Variants in DSE observed in about 807,000 individuals in gnomAD.
DSE encodes the protein dermatan-sulfate epimerase.
Under a neutral mutation model 84.4 loss-of-function variants are expected in DSE, and 36 were observed. The observed-to-expected ratio is 0.43, with a 90% CI of 0.33 to 0.56. The LOEUF is 0.56. Ranked by LOEUF, DSE falls within the 20% of genes least tolerant of loss-of-function variation. The pLI is 0.06. For synonymous variants in DSE, 410 were observed against 430.1 expected, an observed-to-expected ratio of 0.95 and a Z score of 0.58; for missense variants, 862 against 1,169.6, an observed-to-expected ratio of 0.74 and a Z score of 3.84.
chr6:116,408,047 A>G (rs1782048125), intron 2 of DSE, among the ~76,000 whole-genome samples: 2 of 152,158 alleles, frequency 1.3e-5, no homozygotes, highest in South Asian at 4.1e-4. Context: ...TCCAGACTGT[A>G]TGATCCACCT....
intron 2 of DSE, among the ~76,000 whole-genome samples, chr6:116,264,223 G>T (rs1272931480): frequency 6.6e-6 from 1 of 152,082 alleles, no homozygotes; most frequent in Non-Finnish European, 1.5e-5. Context: ...CTCTTTAAGG[G>T]ACACCAATGA....
intron 2 of DSE, among the ~76,000 whole-genome samples, chr6:116,406,726 T>C (rs1359031393): frequency 6.6e-6 from 1 of 152,206 alleles, no homozygotes; most frequent in Admixed American, 6.5e-5. Context: ...TTCTGCCATG[T>C]CCATTAAGGG....
chr6:116,408,701 T>G (rs1293949547), intron 2 of DSE, among the ~76,000 whole-genome samples: 3 of 152,172 alleles, frequency 2.0e-5, no homozygotes, highest in Non-Finnish European at 2.9e-5. Context: ...AATGTCAGGA[T>G]TTGACATCTT....
chr6:116,283,364 A>G (rs1332055265), intron 2 of DSE, among the ~76,000 whole-genome samples: 3 of 152,198 alleles, frequency 2.0e-5, no homozygotes, highest in Non-Finnish European at 4.4e-5. Flanking sequence ...TGCACCATGC[A>G]GTTTAGCACT....
At chr6:116,334,786 G>GA (rs761870908) in intron 2 of DSE, among the ~76,000 whole-genome samples, 75 of 151,748 alleles carry the variant, frequency 4.9e-4, no homozygotes, top group South Asian at 1.0e-3. Flanking sequence ...CAACAATGAT[G>GA]AAAAAAAGCC....
intron 2 of DSE, among the ~76,000 whole-genome samples, chr6:116,272,434 G>A (rs1266372514): frequency 6.6e-6 from 1 of 152,116 alleles, no homozygotes; most frequent in African/African-American, 2.4e-5. Context: ...AAAGACAGAC[G>A]ACACCTGCTG....
intron 3 of DSE, among the ~76,000 whole-genome samples, chr6:116,427,375 C>T (rs1289560687): frequency 6.6e-6 from 1 of 152,092 alleles, no homozygotes; most frequent in Non-Finnish European, 1.5e-5. Context: ...TCTTTTAACT[C>T]TAAATTACAA....
At chr6:116,376,120 A>G (rs1311282775) in intron 1 of DSE, among the ~76,000 whole-genome samples, 1 of 152,188 alleles carries the variant, frequency 6.6e-6, no homozygotes, top group Non-Finnish European at 1.5e-5. Context: ...TCAGCTCCCT[A>G]AAATGCTTAT....
chr6:116,287,312 A>G (rs771514460), intron 2 of DSE, among the ~76,000 whole-genome samples: 1 of 152,114 alleles, frequency 6.6e-6, no homozygotes, highest in Non-Finnish European at 1.5e-5. Context: ...AGTTTTATGA[A>G]TACCTTAACA....
chr6:116,342,311 G>A (rs537694904), intron 2 of DSE, among the ~76,000 whole-genome samples: 239 of 113,276 alleles, frequency 2.1e-3, no homozygotes, highest in African/African-American at 7.9e-3. Context: ...ATGGAGTCTT[G>A]CTCTCTTGCC....
At chr6:116,258,560 T>C in exon 2 of DSE, 3 of 1,530,608 alleles carry the variant, frequency 2.0e-6, no homozygotes, top group South Asian at 1.1e-5. Context: ...GCATAGGAGT[T>C]GGAGGAGCCC....
chr6:116,270,373 C>A (rs1772827690), intron 2 of DSE, among the ~76,000 whole-genome samples: 1 of 152,044 alleles, frequency 6.6e-6, no homozygotes, highest in African/African-American at 2.4e-5. Context: ...TTGTATTGTC[C>A]AAGGTTAAGT....
chr6:116,278,816 C>T (rs1030197124), intron 2 of DSE: 2 of 1,614,146 alleles, frequency 1.2e-6, no homozygotes, highest in Non-Finnish European at 1.7e-6. Context: ...ACCTCATATT[C>T]CTTGACAATC....
At chr6:116,379,246 C>G (rs760958306) in intron 1 of DSE, among the ~76,000 whole-genome samples, 21 of 151,992 alleles carry the variant, frequency 1.4e-4, no homozygotes, top group Non-Finnish European at 2.6e-4. Flanking sequence ...TGAAGGATGC[C>G]AAGAAATGGA....
intron 2 of DSE, among the ~76,000 whole-genome samples, chr6:116,274,887 A>G (rs960705552): frequency 1.3e-5 from 2 of 152,212 alleles, no homozygotes; most frequent in East Asian, 1.9e-4. Context: ...ATTTTTACAG[A>G]TATTTTATAT....
intron 2 of DSE, among the ~76,000 whole-genome samples, chr6:116,349,091 C>G (rs1241876516): frequency 6.6e-6 from 1 of 152,124 alleles, no homozygotes; most frequent in Non-Finnish European, 1.5e-5. Context: ...ACGTTGTTCT[C>G]ATGTACCCTA....
At chr6:116,258,557 A>G (rs908067164) in exon 2 of DSE, 1 of 1,491,410 alleles carries the variant, frequency 6.7e-7, no homozygotes, top group African/African-American at 1.4e-5. Context: ...ATGGCATAGG[A>G]GTTGGAGGAG....
chr6:116,286,126 C>T (rs566911915), intron 2 of DSE, among the ~76,000 whole-genome samples: 1 of 152,282 alleles, frequency 6.6e-6, no homozygotes, highest in African/African-American at 2.4e-5. Context: ...TGGCCATTTT[C>T]AGGATATTGA....
At chr6:116,311,959 T>G (rs377385926) in intron 2 of DSE, among the ~76,000 whole-genome samples, 6 of 152,252 alleles carry the variant, frequency 3.9e-5, no homozygotes, top group Admixed American at 3.9e-4. Context: ...GGAGTAAGAT[T>G]GAAAAAAACA....
Sources: allele counts gnomAD v4.1 joint callset (sites outside exome capture counted in the v4.1 genomes callset), GRCh38; gene constraint gnomAD v4.1.1; transcripts MANE v1.5; gene names NCBI Gene and HGNC (gene_info 2026-07-23, HGNC 2026-07-21).